PRKDC: variants seen among roughly 807,000 people sequenced by gnomAD.
The protein encoded by PRKDC is DNA-dependent protein kinase catalytic subunit.
PRKDC carries 82 observed loss-of-function variants against 486.9 expected under a neutral mutation model. That is an observed-to-expected ratio of 0.17 (90% CI 0.14 to 0.20). The LOEUF (loss-of-function observed/expected upper bound fraction) is 0.20. Among genes scored for constraint, PRKDC ranks in the 10% least tolerant of loss-of-function variants. The probability of loss-of-function intolerance (pLI) is 1.00; values close to 1 mark genes in which losing one functional copy is unlikely to be tolerated. For missense variants in PRKDC, 4,504 were observed against 5,038.2 expected, an observed-to-expected ratio of 0.89 and a Z score of 3.21; for synonymous variants, 1,895 against 1,837.0, an observed-to-expected ratio of 1.03 and a Z score of -0.81.
At position 47,819,511 on chromosome 8, in the gene PRKDC, CT is replaced by C. The variant is rs2087533700; in HGVS notation, c.9337-2del. The C allele has an allele frequency of 2.1e-6, 1 of 470,030 alleles. No homozygotes were observed. Among genetic ancestry groups the C allele is most frequent in the Non-Finnish European group, 3.3e-6 (1 of 304,222 alleles). The allele number at this position is 470,030 out of a possible 1,614,324, so 29.1% of individuals were successfully genotyped here. A position where few individuals can be genotyped will look rare whatever the true frequency, so the allele number is the denominator to read the frequency against. On this transcript the variant is annotated splice_acceptor_variant, in intron 66 of 85. Transcript: ENST00000314191. LOFTEE classifies it high-confidence loss of function. ...AGAGGACATCAATACTAGAATAATT[CT>C]TAAAAAAAAAAAAAAAAAAAAAGGG... is the stretch of plus-strand genomic sequence containing the variant.
At chr8:47,928,394 C>A (rs1423544850) in intron 19 of PRKDC, among the ~76,000 whole-genome samples, 1 of 152,000 alleles carries the variant, frequency 6.6e-6, no homozygotes, top group Non-Finnish European at 1.5e-5. Flanking sequence ...CTCAAGTGAT[C>A]CACCCACCTT....
chr8:47,832,035 A>C (rs1216781097), intron 59 of PRKDC, 109 bp from the exon 60 acceptor site: 36 of 954,682 alleles, frequency 3.8e-5, no homozygotes, highest in Non-Finnish European at 5.5e-5. Flanking sequence ...GGTGCCGCAG[A>C]GGCAGCGACC....
In PRKDC at chr8:47,836,516, A is replaced by T; in HGVS notation, c.7773T>A (p.Ile2591=). 6.3e-7 allele frequency: 1 copy of T among 1,597,858 alleles called. No individual in the cohort carries two copies. Among genetic ancestry groups the T allele is most frequent in the Non-Finnish European group, 8.5e-7 (1 of 1,171,724 alleles). Residue 2591 remains isoleucine, a synonymous_variant, in exon 58 of 86, where the codon ATT becomes ATA. Transcript: ENST00000314191. ...TACTTCGGAAACGCCAATCAGAATC[A>T]ATGGTATATTCCTGTACATAAGAAA... ...LSECEFQEYT[I]DSDWRFRSTV... is the part of the protein sequence containing the mutation.
chr8:47,944,811 G>A (rs1002737884), intron 7 of PRKDC, among the ~76,000 whole-genome samples: 1 of 152,182 alleles, frequency 6.6e-6, no homozygotes. Context: ...TGACATATTT[G>A]AGACAGAGCC....
intron 57 of PRKDC, among the ~76,000 whole-genome samples, chr8:47,836,835 C>T (rs554187959): frequency 9.2e-5 from 14 of 152,370 alleles, no homozygotes; most frequent in African/African-American, 3.1e-4. Context: ...TGTCCACATA[C>T]ACACGTGCCA....
chr8:47,821,978 G>A (rs938569301), intron 64 of PRKDC, among the ~76,000 whole-genome samples, 186 bp from the exon 65 acceptor site: 1 of 152,144 alleles, frequency 6.6e-6, no homozygotes, highest in African/African-American at 2.4e-5. Context: ...GAATCCTACA[G>A]TACTAAATGA....
chr8:47,777,760 C>T lies in PRKDC; in HGVS notation c.11968G>A (p.Ala3990Thr), dbSNP rs1473711557. 6.2e-7 allele frequency: 1 copy of T among 1,613,900 alleles called. No individual in the cohort carries two copies. Among genetic ancestry groups the T allele is most frequent in the South Asian group, 1.1e-5 (1 of 91,076 alleles). The change falls in exon 84 of 86, where the codon GCC becomes ACC. Residue 3990 changes from alanine (A) to threonine (T), a missense_variant. Ala to Thr is a moderately conservative substitution (Grantham distance 58). This residue lies in a region of PRKDC where 706 missense variants were observed against 945.0 expected (regional missense o/e 0.75). Transcript: ENST00000314191. ...MYSIMVHALR[A>T]FRSDPGLLTN... The stretch of plus-strand genomic sequence containing the variant: ...AGCAGGCCAGGGTCTGAGCGGAAGG[C>T]CCGGAGTGCGTGTACCATGATGCTG...
Position 47,862,081 on chromosome 8 carries a change from T to C in PRKDC, c.5966A>G (p.Asn1989Ser). Reference sequence around the variant, plus strand: ...ACTCACCTCAACTTCTACAGGAAAATTATAGCGGCGCTTCAGGTCGATCAG... The same window carrying C: ...ACTCACCTCAACTTCTACAGGAAAACTATAGCGGCGCTTCAGGTCGATCAG... ...ENLIDLKRRY[N>S]FPVEVEVPME... Residue 1989 changes from asparagine to serine, a missense_variant, in exon 44 of 86, where the codon AAT becomes AGT. This residue lies in a region of PRKDC where 1,592 missense variants were observed against 1,724.6 expected (regional missense o/e 0.92). Transcript: ENST00000314191. 6.4e-7 allele frequency: 1 copy of C among 1,553,568 alleles called. No homozygotes were observed. Among genetic ancestry groups the C allele is most frequent in the Non-Finnish European group, 8.7e-7 (1 of 1,147,200 alleles).
At chr8:47,900,063 G>GT (rs1274662106) in intron 28 of PRKDC, among the ~76,000 whole-genome samples, 3 of 152,154 alleles carry the variant, frequency 2.0e-5, no homozygotes, top group African/African-American at 7.2e-5. Flanking sequence ...ACAGTTTCAT[G>GT]TTCTGTCATC....
chr8:47,826,518 A>C, intron 63 of PRKDC, 138 bp downstream of exon 63: 1 of 884,304 alleles, frequency 1.1e-6, no homozygotes, highest in South Asian at 1.9e-5. Context: ...CTCAGCCTGA[A>C]AGACTTTTCT....
intron 7 of PRKDC, among the ~76,000 whole-genome samples, chr8:47,952,338 T>C (rs2090638096): frequency 6.6e-6 from 1 of 152,088 alleles, no homozygotes. Context: ...TGAAAGACAC[T>C]ATGCTAAGTG....
chr8:47,886,736 G>A (rs1401572103), intron 35 of PRKDC, among the ~76,000 whole-genome samples: 7 of 152,144 alleles, frequency 4.6e-5, no homozygotes, highest in Non-Finnish European at 1.0e-4. Flanking sequence ...TGCCCAGGCT[G>A]GAGTGCAGTG....
chr8:47,902,738 G>A lies in PRKDC; in HGVS notation c.3100C>T (p.Arg1034Ter). Residue 1034 changes from arginine (R) to a stop codon, truncating the protein, a stop_gained, in exon 27 of 86, where the codon CGA becomes TGA. Transcript: ENST00000314191. LOFTEE classifies it high-confidence loss of function. ...TLRDFCGRCI[R>*]EFLKWSIKQI... The stretch of plus-strand genomic sequence containing the variant: ...TTAATGGACCATTTAAGGAATTCTC[G>A]AATACACCGACCACAAAAATCTCTT... 6.2e-7 allele frequency: 1 copy of A among 1,613,708 alleles called. No individual in the cohort carries two copies. Among genetic ancestry groups the A allele is most frequent in the Non-Finnish European group, 8.5e-7 (1 of 1,179,790 alleles).
Position 47,858,513 on chromosome 8 carries a change from T to C in PRKDC, c.6465+3A>G, listed in dbSNP as rs773115316. 8 of 1,480,482 alleles carry C rather than the reference T, an allele frequency of 5.4e-6. No individual in the cohort carries two copies. In the Admixed American group the frequency reaches 1.6e-4, roughly 30 times the overall value. 91.7% of individuals were successfully genotyped at this position (1,480,482 alleles called of 1,614,324 possible). Reference sequence around the variant, plus strand: ...AAGAATAAAGAAATAATCAATTACTTACCTCTTCTGTATTAATAACAAGCT... The same window carrying C: ...AAGAATAAAGAAATAATCAATTACTCACCTCTTCTGTATTAATAACAAGCT... On this transcript the variant is annotated splice_donor_region_variant and intron_variant, in intron 48 of 85. Coordinates refer to ENST00000314191, the MANE Select transcript of PRKDC (RefSeq NM_006904.7).
At chr8:47,780,485 C>T (rs1377453914) in intron 80 of PRKDC, among the ~76,000 whole-genome samples, 3 of 152,168 alleles carry the variant, frequency 2.0e-5, no homozygotes, top group East Asian at 3.9e-4. Flanking sequence ...CAAGTTTTCC[C>T]GATAAAATCT....
chr8:47,839,398 G>A (rs1269415553), intron 55 of PRKDC, among the ~76,000 whole-genome samples, 152 bp from the exon 56 acceptor site: 6 of 152,172 alleles, frequency 3.9e-5, no homozygotes, highest in Admixed American at 3.9e-4. Flanking sequence ...CCACTCATGG[G>A]TGTGTGCACA....
Position 47,960,082 on chromosome 8 carries a change from C to A in PRKDC, c.45G>T (p.Leu15=). The A allele has an allele frequency of 2.0e-6, 3 of 1,529,798 alleles. No homozygotes were observed. Among genetic ancestry groups the A allele is most frequent in the Non-Finnish European group, 2.6e-6 (3 of 1,144,612 alleles). The allele number at this position is 1,529,798 out of a possible 1,614,324, so 94.8% of individuals were successfully genotyped here. The part of the protein sequence containing the change: ...GAGVRCSLLR[L]QETLSAADRC... ...GGTCCGCAGCGGACAAGGTCTCCTG[C>A]AGCCGCAGCAGGGAGCAACGCACAC... is the stretch of plus-strand genomic sequence containing the variant. Residue 15 remains leucine (L), a synonymous_variant, in exon 1 of 86, where the codon CTG becomes CTT. Transcript: ENST00000314191.
intron 64 of PRKDC, among the ~76,000 whole-genome samples, chr8:47,822,085 C>G (rs962338354): frequency 1.3e-5 from 2 of 152,146 alleles, no homozygotes; most frequent in African/African-American, 4.8e-5. Flanking sequence ...GAGTTTGAGA[C>G]TAGCCTAGGC....
At chr8:47,775,553 G>T (rs1373253525) in intron 85 of PRKDC, among the ~76,000 whole-genome samples, 3 of 150,540 alleles carry the variant, frequency 2.0e-5, no homozygotes, top group Non-Finnish European at 4.4e-5. Flanking sequence ...ATTTTTAATT[G>T]GGTTATCTAT....
Sources: allele counts gnomAD v4.1 joint callset (sites outside exome capture counted in the v4.1 genomes callset), GRCh38; gene constraint gnomAD v4.1.1; regional missense constraint gnomAD v4.1.1; transcripts MANE v1.5; gene names NCBI Gene and HGNC (gene_info 2026-07-23, HGNC 2026-07-21).